The following SMAGP variants were observed in gnomAD, a reference collection of about 807,000 sequenced individuals.
SMAGP encodes the protein small cell adhesion glycoprotein.
SMAGP carries 7 observed loss-of-function variants against 10.1 expected under a neutral mutation model. The ratio of observed to expected loss-of-function variants is 0.70; its 90% CI spans 0.40 to 1.31. SMAGP has a LOEUF of 1.31. Among genes scored for constraint, SMAGP ranks in the 50% most tolerant of loss-of-function variants. The probability of loss-of-function intolerance (pLI) is 0.01; values close to 1 mark genes in which losing one functional copy is unlikely to be tolerated. For synonymous variants in SMAGP, 49 were observed against 47.2 expected, an observed-to-expected ratio of 1.04 and a Z score of -0.16; for missense variants, 113 against 116.5, an observed-to-expected ratio of 0.97 and a Z score of 0.14.
At chr12:51,250,014 T>C (rs571579620) in intron 2 of SMAGP, among the ~76,000 whole-genome samples, 1 of 152,080 alleles carries the variant, frequency 6.6e-6, no homozygotes, top group Non-Finnish European at 1.5e-5. Context: ...TGAGAGAACA[T>C]GTAAACATCA....
At chr12:51,254,611 G>A (rs1022007300) in intron 2 of SMAGP, among the ~76,000 whole-genome samples, 7 of 152,068 alleles carry the variant, frequency 4.6e-5, no homozygotes, top group Non-Finnish European at 7.4e-5. Flanking sequence ...GTTAATTAGC[G>A]CTATGTAGAA....
At chr12:51,269,787 G>A (rs369338735) in intron 1 of SMAGP, 1 of 152,560 alleles carries the variant, frequency 6.6e-6, no homozygotes, top group South Asian at 2.1e-4. Flanking sequence ...GCAGTAGCCG[G>A]GCCGGGACCG....
chr12:51,257,163 G>C (rs1009564959), intron 2 of SMAGP, among the ~76,000 whole-genome samples: 1 of 152,172 alleles, frequency 6.6e-6, no homozygotes, highest in Non-Finnish European at 1.5e-5. Context: ...TCTGATGGGA[G>C]AAATGCCAGC....
intron 2 of SMAGP, among the ~76,000 whole-genome samples, chr12:51,259,004 A>C (rs905783314): frequency 2.0e-5 from 3 of 149,752 alleles, no homozygotes; most frequent in Non-Finnish European, 3.0e-5. Flanking sequence ...AAAAAAAAAA[A>C]AAAAAAACCT....
At chr12:51,247,963 G>A (rs1440042455) in intron 2 of SMAGP, among the ~76,000 whole-genome samples, 1 of 152,216 alleles carries the variant, frequency 6.6e-6, no homozygotes, top group East Asian at 1.9e-4. Flanking sequence ...TATCTGACCT[G>A]GGAGCTGAAG....
chr12:51,266,944 T>C (rs4761969), intron 2 of SMAGP, among the ~76,000 whole-genome samples: 104,537 of 152,044 alleles, frequency 0.69, 38,967 homozygotes, highest in Non-Finnish European at 0.85. Flanking sequence ...GGCGAAACCC[T>C]GTCTCCACTA....
At chr12:51,270,174 C>G (rs1012961594) in intron 1 of SMAGP, 82 bp downstream of exon 1, 4 of 152,392 alleles carry the variant, frequency 2.6e-5, no homozygotes, top group Non-Finnish European at 5.9e-5. Context: ...CTCCGGGTTT[C>G]GGTTCCTGCC....
chr12:51,264,545 A>C (rs1346656825), intron 2 of SMAGP, among the ~76,000 whole-genome samples: 1 of 151,750 alleles, frequency 6.6e-6, no homozygotes, highest in Non-Finnish European at 1.5e-5. Flanking sequence ...AGGATCCCTC[A>C]AGCCCAGATG....
chr12:51,249,019 G>A (rs879765176), intron 2 of SMAGP, among the ~76,000 whole-genome samples: 15 of 151,530 alleles, frequency 9.9e-5, no homozygotes, highest in Non-Finnish European at 1.9e-4. Flanking sequence ...GGTGGAGGTC[G>A]CAGTGAGCTG....
chr12:51,260,367 TTTGTTG>T (rs756029564), intron 2 of SMAGP, among the ~76,000 whole-genome samples: 1 of 149,328 alleles, frequency 6.7e-6, no homozygotes, highest in African/African-American at 2.5e-5. Flanking sequence ...GATTGTTTTT[TTTGTTG>T]TTGTTGTTGT....
intron 3 of SMAGP, 91 bp downstream of exon 3, chr12:51,246,660 G>A (rs1216365906): frequency 5.0e-6 from 4 of 799,132 alleles, no homozygotes; most frequent in Non-Finnish European, 7.5e-6. Flanking sequence ...ACAAGCCAGA[G>A]TGAGCCCATT....
chr12:51,253,482 T>C (rs1944858869), intron 2 of SMAGP: 1 of 150,962 alleles, frequency 6.6e-6, no homozygotes, highest in African/African-American at 2.5e-5. Context: ...ATCATGTTCA[T>C]AGGAGCATTA....
intron 2 of SMAGP, among the ~76,000 whole-genome samples, chr12:51,263,712 G>A (rs1289507912): frequency 6.6e-6 from 1 of 152,228 alleles, no homozygotes; most frequent in Non-Finnish European, 1.5e-5. Flanking sequence ...CTGGCACGGT[G>A]GGCAAAGCCC....
intron 2 of SMAGP, among the ~76,000 whole-genome samples, chr12:51,258,156 G>C (rs943471533): frequency 6.6e-6 from 1 of 151,878 alleles, no homozygotes; most frequent in Non-Finnish European, 1.5e-5. Flanking sequence ...AACAGACCCT[G>C]TCTCTCAAAA....
chr12:51,266,338 A>C (rs1357051859), intron 2 of SMAGP, among the ~76,000 whole-genome samples: 1 of 152,154 alleles, frequency 6.6e-6, no homozygotes, highest in Non-Finnish European at 1.5e-5. Flanking sequence ...GTAGAGTACC[A>C]CAGCGCTTGT....
At chr12:51,269,148 G>C (rs576788018) in intron 2 of SMAGP, 97 bp downstream of exon 2, 1 of 1,346,036 alleles carries the variant, frequency 7.4e-7, no homozygotes, top group African/African-American at 1.4e-5. Context: ...AGAGAGGTGG[G>C]AGTCTTCCCA....
At chr12:51,264,334 C>T (rs765963642) in intron 2 of SMAGP, among the ~76,000 whole-genome samples, 38 of 152,208 alleles carry the variant, frequency 2.5e-4, no homozygotes, top group Non-Finnish European at 1.2e-4. Context: ...TCATGTCACT[C>T]GCTGGATCAA....
At position 51,245,721 on chromosome 12, in the gene SMAGP, T is replaced by A; in HGVS notation, c.*220A>T. 1 of 514,726 alleles carries A rather than the reference T, an allele frequency of 1.9e-6. No individual in the cohort carries two copies. The allele number at this position is 514,726 out of a possible 1,614,324, so 31.9% of individuals were successfully genotyped here. A position where few individuals can be genotyped will look rare whatever the true frequency, so the allele number is the denominator to read the frequency against. On this transcript the variant is annotated 3_prime_UTR_variant, in exon 4 of 4. Transcript: ENST00000603798. Reference sequence around the variant, plus strand: ...GTTGGCCAGTCACAAACACCAGCTCTAGTAAGAGGGCCTGGTTAAAGATAT... The same window carrying A: ...GTTGGCCAGTCACAAACACCAGCTCAAGTAAGAGGGCCTGGTTAAAGATAT...
In SMAGP at chr12:51,267,473, C is replaced by G. The variant is rs939463123; in HGVS notation, c.34+1772G>C. ...AAGCCTTTGCTGACCTATTCCCCCC[C>G]CCCACTCCGTGTCCCCCTAACTCTT... On this transcript the variant is annotated intron_variant, in intron 2 of 3. Transcript: ENST00000603798. Among the ~76,000 whole-genome samples the G allele has an allele frequency of 5.4e-5, 8 of 146,948 alleles. No individual in the cohort carries two copies. The East Asian group carries it at 1.2e-3, about 22-fold the overall frequency.
Sources: gnomAD v4.1 joint callset for allele counts (sites outside exome capture counted in the v4.1 genomes callset) on GRCh38, gnomAD v4.1.1 for gene constraint, MANE v1.5 for transcripts, NCBI Gene and HGNC (gene_info 2026-07-23, HGNC 2026-07-21) for gene names.